The following WWC1 variants were observed in gnomAD, a reference collection of about 807,000 sequenced individuals.
WWC1 encodes the protein protein KIBRA.
In WWC1, 55 loss-of-function variants were observed where a neutral mutation model predicts 138.4. The ratio of observed to expected loss-of-function variants is 0.40; its 90% CI spans 0.32 to 0.50. WWC1 has a LOEUF of 0.50. Ranked by LOEUF, WWC1 falls within the 20% of genes least tolerant of loss-of-function variation. WWC1 has a pLI of 0.72. For synonymous variants in WWC1, 524 were observed against 564.9 expected (o/e 0.93, Z 1.03); for missense variants, 1,226 against 1,420.4 (o/e 0.86, Z 2.20).
At chr5:168,398,134 C>T (rs1299973198) in intron 4 of WWC1, among the ~76,000 whole-genome samples, 5 of 151,876 alleles carry the variant, frequency 3.3e-5, no homozygotes, top group South Asian at 2.1e-4. Context: ...GACAGAGTCT[C>T]GCTCTGTCAC....
intron 1 of WWC1, among the ~76,000 whole-genome samples, chr5:168,349,276 AC>A (rs1774734568): frequency 6.6e-6 from 1 of 151,788 alleles, no homozygotes; most frequent in African/African-American, 2.4e-5. Flanking sequence ...GGTTTCTGAC[AC>A]CCCCACCCAG....
intron 1 of WWC1, among the ~76,000 whole-genome samples, chr5:168,304,491 G>T (rs1199437657): frequency 6.6e-6 from 1 of 152,206 alleles, no homozygotes; most frequent in Non-Finnish European, 1.5e-5. Flanking sequence ...TGGTCACGAG[G>T]CCCTCTAAGG....
rs1184754202 is a variant in WWC1, at chr5:168,292,152, G to T, written c.-1G>T. On this transcript the variant is annotated 5_prime_UTR_variant, in exon 1 of 23. Coordinates refer to ENST00000265293, the MANE Select transcript of WWC1 (RefSeq NM_015238.3). This position sits in a 1 kb window ranked among gnomAD's most constrained non-coding sequence, Gnocchi z 4.4. The stretch of plus-strand genomic sequence containing the variant: ...GGGGAGCGCCGGCAGCGCTTGGGAA[G>T]ATGCCCCGGCCGGAGCTGCCCCTGC... 1.9e-6 allele frequency: 3 copies of T among 1,538,802 alleles called. No individual in the cohort carries two copies. The African/African-American group carries it at 4.2e-5, about 22-fold the overall frequency.
chr5:168,359,858 G>T (rs531059177), intron 1 of WWC1, among the ~76,000 whole-genome samples: 2 of 152,044 alleles, frequency 1.3e-5, no homozygotes, highest in South Asian at 2.1e-4. Context: ...ATTGTCCTTT[G>T]TGCCCTTAAG....
chr5:168,334,022 C>A (rs1773246860), intron 1 of WWC1, among the ~76,000 whole-genome samples: 1 of 141,374 alleles, frequency 7.1e-6, no homozygotes, highest in Non-Finnish European at 1.5e-5. Context: ...TGGAGACCAG[C>A]CTGGGCAGCT....
chr5:168,385,074 A>G, intron 2 of WWC1, 137 bp from the exon 3 acceptor site: 2 of 802,304 alleles, frequency 2.5e-6, no homozygotes, highest in Non-Finnish European at 3.9e-6. Flanking sequence ...CATTTAGTAA[A>G]TGAGTTTGCC....
At chr5:168,405,073 G>C (rs1243118068) in intron 5 of WWC1, among the ~76,000 whole-genome samples, 2 of 152,044 alleles carry the variant, frequency 1.3e-5, no homozygotes, top group Non-Finnish European at 2.9e-5. Context: ...CATGAGTATG[G>C]GCTAGGTGGA....
At chr5:168,434,701 G>C (rs1054523117) in intron 15 of WWC1, among the ~76,000 whole-genome samples, 11 of 152,180 alleles carry the variant, frequency 7.2e-5, no homozygotes, top group Admixed American at 6.5e-5. Flanking sequence ...CATGTCCCCA[G>C]ACCCAGATTA....
chr5:168,426,553 T>TA (rs1255686998), intron 11 of WWC1, among the ~76,000 whole-genome samples: 1 of 152,216 alleles, frequency 6.6e-6, no homozygotes, highest in Admixed American at 6.5e-5. Flanking sequence ...CTAAGCAGGT[T>TA]ATGTGATTAG....
chr5:168,296,093 A>G (rs1214655336), intron 1 of WWC1, among the ~76,000 whole-genome samples: 1 of 152,192 alleles, frequency 6.6e-6, no homozygotes, highest in Non-Finnish European at 1.5e-5. Context: ...CGAAGGGGCC[A>G]GCGTCCTGTG....
intron 19 of WWC1, among the ~76,000 whole-genome samples, chr5:168,456,909 T>C (rs1756378880): frequency 6.6e-6 from 1 of 152,200 alleles, no homozygotes; most frequent in Non-Finnish European, 1.5e-5. Context: ...TTTCCACCTA[T>C]AGACTCAAGC....
intron 17 of WWC1, among the ~76,000 whole-genome samples, chr5:168,453,595 G>A (rs1756030799): frequency 6.6e-6 from 1 of 152,062 alleles, no homozygotes; most frequent in Non-Finnish European, 1.5e-5. Flanking sequence ...GCCCAGGCTG[G>A]AGTGCAGTGG....
intron 8 of WWC1, among the ~76,000 whole-genome samples, chr5:168,411,113 G>A (rs1185272691): frequency 6.6e-6 from 1 of 151,952 alleles, no homozygotes; most frequent in Non-Finnish European, 1.5e-5. Flanking sequence ...TTTTTTAGTA[G>A]AGACGGGGTT....
At chr5:168,389,744 C>T (rs180727454) in intron 3 of WWC1, among the ~76,000 whole-genome samples, 37 of 152,060 alleles carry the variant, frequency 2.4e-4, no homozygotes, top group African/African-American at 8.7e-4. Context: ...CTCATGGGAC[C>T]ATGTCAGAGT....
rs575655082 is a variant in WWC1 at position 168,414,424 on chromosome 5, C to T, written c.1018C>T (p.Arg340Trp). Residue 340 changes from arginine to tryptophan, a missense_variant, in exon 9 of 23, where the codon CGG (arginine) becomes TGG (tryptophan). Physicochemically the swap from Arg to Trp is moderately radical, Grantham distance 101. Around this residue, in one of 3 missense-constraint regions of WWC1, gnomAD observed 1,016 missense variants for 1,153.9 expected, o/e 0.88. Coordinates refer to ENST00000265293, the MANE Select transcript of WWC1 (RefSeq NM_015238.3). ...WPGVLDSERD[R>W]LILINEKEEL... ...TGGGGTGCTGGACTCAGAGAGGGAC[C>T]GGCTGATCCTTATCAACGAGAAGGA... 66 of 1,598,406 alleles carry T rather than the reference C, an allele frequency of 4.1e-5. 1 individual carries two copies. In the Admixed American group the frequency reaches 5.9e-4, roughly 14 times the overall value.
intron 1 of WWC1, among the ~76,000 whole-genome samples, chr5:168,351,352 G>T (rs774099323): frequency 1.3e-5 from 2 of 152,132 alleles, no homozygotes; most frequent in Non-Finnish European, 2.9e-5. Context: ...GAGATCCAAT[G>T]TTTTTTCCTG....
chr5:168,376,236 T>G (rs1370009915), intron 2 of WWC1, among the ~76,000 whole-genome samples: 1 of 151,988 alleles, frequency 6.6e-6, no homozygotes, highest in African/African-American at 2.4e-5. Context: ...GTATTTTTAG[T>G]AGAGATGGGG....
chr5:168,292,008 C>G lies in WWC1; in HGVS notation c.-145C>G. 1 of 959,094 alleles carries G rather than the reference C, an allele frequency of 1.0e-6. No homozygotes were observed. The highest frequency in any genetic ancestry group is 1.4e-6 in the Non-Finnish European group (1 of 715,742). The allele number at this position is 959,094 out of a possible 1,614,324, so 59.4% of individuals were successfully genotyped here. ...GACAGCGGCGCCACCCCGGCCGGCC[C>G]CTACTAGGGCCCCCCATCTGCGGGC... On this transcript the variant is annotated 5_prime_UTR_variant, in exon 1 of 23. Coordinates refer to ENST00000265293, the MANE Select transcript of WWC1 (RefSeq NM_015238.3). This position sits in a 1 kb window ranked among gnomAD's most constrained non-coding sequence, Gnocchi z 4.4.
At chr5:168,425,656 T>C (rs1443172485) in intron 11 of WWC1, among the ~76,000 whole-genome samples, 1 of 127,136 alleles carries the variant, frequency 7.9e-6, no homozygotes, top group Non-Finnish European at 1.6e-5. Context: ...CATGCCTGGC[T>C]AATTTTTTTT....
Sources: gnomAD v4.1 joint callset for allele counts (sites outside exome capture counted in the v4.1 genomes callset) on GRCh38, gnomAD v4.1.1 for gene constraint, gnomAD v4.1.1 regional missense constraint, Gnocchi (gnomAD v3.1) non-coding constraint, MANE v1.5 for transcripts, NCBI Gene and HGNC (gene_info 2026-07-23, HGNC 2026-07-21) for gene names.